The following SATB2 variants were observed in gnomAD, a reference collection of about 807,000 sequenced individuals.
SATB2 encodes the protein DNA-binding protein SATB2.
In SATB2, 1 loss-of-function variant was observed where a neutral mutation model predicts 73.4. That is an observed-to-expected ratio of 0.01 (90% confidence interval 0.00 to 0.06). The LOEUF is 0.06. SATB2 is among the 10% of genes least tolerant of loss of function. The pLI, the probability that SATB2 is intolerant of heterozygous loss-of-function variation, is 1.00. For synonymous variants in SATB2, 397 were observed against 367.0 expected (o/e 1.08, Z -0.93); for missense variants, 459 against 945.8 (o/e 0.49, Z 6.75).
intron 3 of SATB2, among the ~76,000 whole-genome samples, chr2:199,384,359 G>A (rs1020971872): frequency 5.9e-5 from 9 of 152,162 alleles, no homozygotes; most frequent in Non-Finnish European, 1.0e-4. Flanking sequence ...TAGAAGTCAT[G>A]GTCTCTGCAC....
chr2:199,428,701 T>C (rs894296624), intron 3 of SATB2, among the ~76,000 whole-genome samples: 1 of 152,172 alleles, frequency 6.6e-6, no homozygotes, highest in South Asian at 2.1e-4. Flanking sequence ...GCTCAACATA[T>C]AGTAATTGCT....
intron 5 of SATB2, among the ~76,000 whole-genome samples, chr2:199,379,362 T>C (rs999102230): frequency 1.3e-5 from 2 of 152,232 alleles, no homozygotes; most frequent in African/African-American, 4.8e-5. Context: ...CCTCTACAAA[T>C]GTATATGATG....
chr2:199,446,066 G>C (rs886681607), intron 2 of SATB2, among the ~76,000 whole-genome samples: 11 of 152,074 alleles, frequency 7.2e-5, no homozygotes, highest in African/African-American at 1.4e-4. Flanking sequence ...GAAAAATTCA[G>C]TCACGTAATG....
At chr2:199,383,846 C>G (rs1249994662) in intron 3 of SATB2, among the ~76,000 whole-genome samples, 4 of 152,080 alleles carry the variant, frequency 2.6e-5, no homozygotes, top group African/African-American at 9.7e-5. Context: ...TGTATGATTT[C>G]ATTTATATGA....
At chr2:199,453,080 C>CA (rs1412899077) in intron 2 of SATB2, among the ~76,000 whole-genome samples, 3 of 152,032 alleles carry the variant, frequency 2.0e-5, no homozygotes, top group Non-Finnish European at 4.4e-5. Flanking sequence ...ACTTAGTTCT[C>CA]ATCAAAAAAC....
At chr2:199,394,881 T>C (rs1040273038) in intron 3 of SATB2, among the ~76,000 whole-genome samples, 2 of 151,730 alleles carry the variant, frequency 1.3e-5, no homozygotes, top group Non-Finnish European at 2.9e-5. Context: ...TTCCCACCTC[T>C]AAAAGGAAGG....
chr2:199,417,675 A>T (rs1348411331), intron 3 of SATB2, among the ~76,000 whole-genome samples: 1 of 152,188 alleles, frequency 6.6e-6, no homozygotes, highest in Non-Finnish European at 1.5e-5. Flanking sequence ...TTAAAGTTTC[A>T]TTTGTCATTA....
At chr2:199,323,474 C>CAT (rs139535802) in intron 9 of SATB2, among the ~76,000 whole-genome samples, 114,084 of 138,350 alleles carry the variant, frequency 0.82, 47,311 homozygotes, top group Admixed American at 0.88. Flanking sequence ...AAGTTTTGTT[C>CAT]ATACACACAC....
intron 3 of SATB2, among the ~76,000 whole-genome samples, chr2:199,431,911 A>T (rs1321052976): frequency 5.3e-5 from 8 of 152,230 alleles, no homozygotes. Flanking sequence ...AAGTGGCATG[A>T]AAAGTTTGTG....
chr2:199,388,986 C>A (rs947214266), intron 3 of SATB2, among the ~76,000 whole-genome samples: 6 of 152,052 alleles, frequency 3.9e-5, no homozygotes, highest in Admixed American at 3.9e-4. Flanking sequence ...AACTGTCTAT[C>A]CTATATAATA....
intron 2 of SATB2, among the ~76,000 whole-genome samples, chr2:199,447,209 C>T (rs1039667646): frequency 4.6e-5 from 7 of 152,154 alleles, no homozygotes; most frequent in African/African-American, 1.4e-4. Flanking sequence ...TGCTGCCTGG[C>T]GGTTCATTCG....
intron 3 of SATB2, among the ~76,000 whole-genome samples, chr2:199,391,915 C>A (rs1364167577): frequency 6.6e-6 from 1 of 152,200 alleles, no homozygotes; most frequent in African/African-American, 2.4e-5. Context: ...CCTGTGGCAG[C>A]TGGACCACAC....
At chr2:199,286,814 A>T (rs1692702510) in intron 10 of SATB2, among the ~76,000 whole-genome samples, 1 of 152,216 alleles carries the variant, frequency 6.6e-6, no homozygotes, top group Non-Finnish European at 1.5e-5. Flanking sequence ...GATGGAAATG[A>T]GCAGGGTAAC....
chr2:199,308,756 T>C lies in SATB2; in HGVS notation c.1740+4A>G. On this transcript the variant is annotated splice_donor_region_variant and intron_variant, in intron 10 of 10. Coordinates refer to ENST00000417098, the MANE Select transcript of SATB2 (RefSeq NM_001172509.2). This position sits in a 1 kb window ranked among gnomAD's most constrained non-coding sequence, Gnocchi z 4.6. ...GGTGGGGTACGGCGGTCGGGGACACTGACCTGCACCGGCTCAGGGGGAAGC... is the reference window on the plus strand; with the variant it reads ...GGTGGGGTACGGCGGTCGGGGACACCGACCTGCACCGGCTCAGGGGGAAGC... 1.2e-6 allele frequency: 2 copies of C among 1,613,780 alleles called. No homozygotes were observed. Among genetic ancestry groups the C allele is most frequent in the Non-Finnish European group, 1.7e-6 (2 of 1,179,728 alleles).
intron 7 of SATB2, among the ~76,000 whole-genome samples, chr2:199,331,614 G>C (rs1446273326): frequency 6.6e-6 from 1 of 152,142 alleles, no homozygotes; most frequent in Non-Finnish European, 1.5e-5. Context: ...GGCACAAGAA[G>C]AGTTTTAGTT....
At chr2:199,454,608 C>CT (rs1692221054) in intron 2 of SATB2, among the ~76,000 whole-genome samples, 1 of 152,104 alleles carries the variant, frequency 6.6e-6, no homozygotes, top group Admixed American at 6.5e-5. Flanking sequence ...CATCACCAAA[C>CT]TTTTTAACTC....
chr2:199,374,099 G>T (rs1192880176), intron 5 of SATB2, among the ~76,000 whole-genome samples: 4 of 152,172 alleles, frequency 2.6e-5, no homozygotes, highest in Non-Finnish European at 5.9e-5. Flanking sequence ...CAGGATGACA[G>T]AAATAATTAT....
intron 6 of SATB2, among the ~76,000 whole-genome samples, chr2:199,355,456 A>G (rs1026858978): frequency 2.0e-5 from 3 of 151,314 alleles, no homozygotes; most frequent in Non-Finnish European, 4.4e-5. Flanking sequence ...TAAAATCTCA[A>G]TGCTCAAAAT....
intron 2 of SATB2, among the ~76,000 whole-genome samples, chr2:199,437,295 T>C (rs1233206940): frequency 6.6e-6 from 1 of 152,152 alleles, no homozygotes; most frequent in African/African-American, 2.4e-5. Flanking sequence ...AATGAAGAGT[T>C]GTTCTGGTAA....
Sources: gnomAD v4.1 joint callset for allele counts (sites outside exome capture counted in the v4.1 genomes callset) on GRCh38, gnomAD v4.1.1 for gene constraint, Gnocchi (gnomAD v3.1) non-coding constraint, MANE v1.5 for transcripts, NCBI Gene and HGNC (gene_info 2026-07-23, HGNC 2026-07-21) for gene names.